Variants in EXOC4 observed in about 807,000 individuals in gnomAD.
The protein encoded by EXOC4 is exocyst complex component 4.
In EXOC4, 71 loss-of-function variants were observed where a neutral mutation model predicts 107.2. The observed-to-expected ratio is 0.66, with a 90% CI of 0.55 to 0.81. The LOEUF (loss-of-function observed/expected upper bound fraction) is 0.81. Ranked by LOEUF, EXOC4 falls within the 30% of genes least tolerant of loss-of-function variation. EXOC4 has a pLI of 0.00. For missense variants in EXOC4, 1,108 were observed against 1,189.6 expected, an observed-to-expected ratio of 0.93 and a Z score of 1.01; for synonymous variants, 456 against 441.2, an observed-to-expected ratio of 1.03 and a Z score of -0.42.
At chr7:133,565,207 G>A (rs145285298) in intron 9 of EXOC4, among the ~76,000 whole-genome samples, 41 of 152,266 alleles carry the variant, frequency 2.7e-4, no homozygotes, top group East Asian at 1.9e-3. Flanking sequence ...TGGTGGGCTC[G>A]ATAGGGAAGA....
At chr7:133,782,726 A>G (rs1218630897) in intron 10 of EXOC4, among the ~76,000 whole-genome samples, 1 of 152,184 alleles carries the variant, frequency 6.6e-6, no homozygotes, top group Admixed American at 6.5e-5. Context: ...CTGTCACCTT[A>G]GATTAAATGT....
At chr7:133,480,924 A>G (rs1461811404) in intron 9 of EXOC4, 3 of 151,916 alleles carry the variant, frequency 2.0e-5, no homozygotes, top group African/African-American at 4.8e-5. Flanking sequence ...ACATGGTGGC[A>G]CGTGCGTATT....
intron 10 of EXOC4, among the ~76,000 whole-genome samples, chr7:133,713,845 G>A (rs187554966): frequency 5.3e-5 from 8 of 152,018 alleles, no homozygotes; most frequent in South Asian, 4.2e-4. Context: ...AGCCTCCCCC[G>A]CCCCAAACAT....
At chr7:133,914,047 G>T (rs1799752541) in intron 12 of EXOC4, among the ~76,000 whole-genome samples, 1 of 152,182 alleles carries the variant, frequency 6.6e-6, no homozygotes, top group African/African-American at 2.4e-5. Context: ...AATAAAAAGT[G>T]CTCTTGGGTT....
chr7:133,987,117 G>A (rs958571910), intron 14 of EXOC4, among the ~76,000 whole-genome samples: 5 of 152,036 alleles, frequency 3.3e-5, no homozygotes, highest in Non-Finnish European at 1.5e-5. Context: ...ATAGAAGTTA[G>A]GAAGGTACTA....
chr7:133,415,783 A>G (rs1797461649), intron 7 of EXOC4, among the ~76,000 whole-genome samples: 1 of 152,196 alleles, frequency 6.6e-6, no homozygotes, highest in Non-Finnish European at 1.5e-5. Flanking sequence ...TAAAATATAG[A>G]TATGTATAGT....
intron 11 of EXOC4, among the ~76,000 whole-genome samples, chr7:133,844,262 G>A (rs533344607): frequency 1.3e-5 from 2 of 151,188 alleles, no homozygotes; most frequent in East Asian, 2.0e-4. Flanking sequence ...GTAGAATTCA[G>A]CTCTGTCAAT....
intron 5 of EXOC4, among the ~76,000 whole-genome samples, chr7:133,320,735 G>A (rs895278516): frequency 2.6e-5 from 4 of 152,118 alleles, no homozygotes; most frequent in South Asian, 2.1e-4. Flanking sequence ...ATTATGTAGC[G>A]AAATCTTTTT....
chr7:133,755,255 A>ATATATATTATATATAT (rs1554397102), intron 10 of EXOC4, among the ~76,000 whole-genome samples: 5 of 100,432 alleles, frequency 5.0e-5, no homozygotes, highest in Admixed American at 3.2e-4. Flanking sequence ...TATATATATT[A>ATATATATTATATATAT]TATATATATT....
intron 7 of EXOC4, among the ~76,000 whole-genome samples, chr7:133,390,490 A>G (rs561936201): frequency 8.3e-4 from 127 of 152,260 alleles, no homozygotes; most frequent in African/African-American, 2.7e-3. Context: ...GCCTGGGAGG[A>G]GTGAAGAAGC....
intron 17 of EXOC4, among the ~76,000 whole-genome samples, chr7:134,057,672 AGAGTGTTTT>A (rs1309653516): frequency 1.5e-4 from 23 of 152,180 alleles, no homozygotes; most frequent in Non-Finnish European, 2.4e-4. Flanking sequence ...ACACTTGTTC[AGAGTGTTTT>A]CAAGTCAATT....
rs570004146 is a variant in EXOC4, at chr7:133,956,543, C to T, written c.2206+18474C>T. On this transcript the variant is annotated intron_variant, in intron 14 of 17. Coordinates refer to ENST00000253861, the MANE Select transcript of EXOC4 (RefSeq NM_021807.4). ...TGAGCAGCTTTTCTAGCCAGAGCTC[C>T]TCAAGTAGCTGTGCTCAGCTGGCAG... is the stretch of plus-strand genomic sequence containing the variant. 7.9e-5 allele frequency among the ~76,000 whole-genome samples: 12 copies of T among 152,296 alleles called. No homozygotes were observed. In the South Asian group the frequency reaches 2.3e-3, roughly 29 times the overall value.
At chr7:133,265,738 G>T (rs1793713303) in intron 1 of EXOC4, among the ~76,000 whole-genome samples, 1 of 152,182 alleles carries the variant, frequency 6.6e-6, no homozygotes, top group Non-Finnish European at 1.5e-5. Context: ...TGCCAACAAG[G>T]AATGTCTTTA....
intron 2 of EXOC4, among the ~76,000 whole-genome samples, chr7:133,287,357 C>G (rs1484959838): frequency 1.3e-5 from 2 of 152,112 alleles, no homozygotes; most frequent in Middle Eastern, 3.4e-3. Flanking sequence ...GTCGCCCAGG[C>G]TGGAGTGCAG....
In EXOC4 at chr7:133,657,415, A is replaced by C. The variant is rs1280252987; in HGVS notation, c.1514+27274A>C. 3.3e-5 allele frequency among the ~76,000 whole-genome samples: 5 copies of C among 152,304 alleles called. No individual in the cohort carries two copies. In the East Asian group the frequency reaches 9.6e-4, roughly 29 times the overall value. ...CCAACTCCCTTGATAGATACAATTAAATTTTACTGATGTTGGTATTTTACT... is the reference window on the plus strand; with the variant it reads ...CCAACTCCCTTGATAGATACAATTACATTTTACTGATGTTGGTATTTTACT... On this transcript the variant is annotated intron_variant, in intron 10 of 17. Transcript: ENST00000253861.
intron 7 of EXOC4, among the ~76,000 whole-genome samples, chr7:133,395,931 T>G (rs1796962034): frequency 6.6e-6 from 1 of 152,152 alleles, no homozygotes; most frequent in Non-Finnish European, 1.5e-5. Flanking sequence ...TTTTTTAATT[T>G]GTTTTATGTT....
intron 10 of EXOC4, among the ~76,000 whole-genome samples, chr7:133,678,395 A>G (rs1794112017): frequency 6.6e-6 from 1 of 152,228 alleles, no homozygotes. Context: ...CTATGTGTTC[A>G]GTCACAGAGA....
chr7:134,025,687 G>C (rs1244534071), intron 17 of EXOC4, among the ~76,000 whole-genome samples: 1 of 152,190 alleles, frequency 6.6e-6, no homozygotes, highest in African/African-American at 2.4e-5. Flanking sequence ...TGTAGTCTCA[G>C]AGATTCCCCC....
chr7:133,499,165 A>G (rs1799532143), intron 9 of EXOC4, among the ~76,000 whole-genome samples: 1 of 150,730 alleles, frequency 6.6e-6, no homozygotes, highest in South Asian at 2.1e-4. Context: ...TTTGTAGCAC[A>G]TGGCATACTT....
Sources: gnomAD v4.1 joint callset for allele counts (sites outside exome capture counted in the v4.1 genomes callset) on GRCh38, gnomAD v4.1.1 for gene constraint, MANE v1.5 for transcripts, NCBI Gene and HGNC (gene_info 2026-07-23, HGNC 2026-07-21) for gene names.